The following NEK7 variants were observed in gnomAD, a reference collection of about 807,000 sequenced individuals.
NEK7 encodes serine/threonine-protein kinase Nek7.
A neutral mutation model predicts 44.6 loss-of-function variants in NEK7; 18 were observed. The ratio of observed to expected loss-of-function variants is 0.40; its 90% CI spans 0.28 to 0.60. NEK7 has a LOEUF of 0.60. Ranked by LOEUF, NEK7 falls within the 20% of genes least tolerant of loss-of-function variation. The pLI is 0.38. For missense variants in NEK7, 256 were observed against 366.5 expected, an observed-to-expected ratio of 0.70 and a Z score of 2.46; for synonymous variants, 130 against 121.1, an observed-to-expected ratio of 1.07 and a Z score of -0.48.
At chr1:198,315,680 T>G (rs138269758) in intron 9 of NEK7, among the ~76,000 whole-genome samples, 50 of 152,314 alleles carry the variant, frequency 3.3e-4, no homozygotes, top group African/African-American at 1.2e-3. Context: ...TAGGACTGGT[T>G]GCTGACGGTT....
chr1:198,285,133 G>A (rs1012971167), intron 7 of NEK7, among the ~76,000 whole-genome samples: 4 of 151,792 alleles, frequency 2.6e-5, no homozygotes, highest in South Asian at 2.1e-4. Context: ...CTGACATGCC[G>A]TGTAATTTAC....
In NEK7 at chr1:198,254,388, A is replaced by G. The variant is rs138664964; in HGVS notation, c.198+1208A>G. Among the ~76,000 whole-genome samples, 109 of 152,034 alleles carry G rather than the reference A, an allele frequency of 7.2e-4. 1 individual carries two copies. The East Asian group carries it at 0.011, about 16-fold the overall frequency. ...TTGGTATGAATTTCTAAAATAGTCT[A>G]TTGTTTACTTTTGCATTTTTTTAAA... On this transcript the variant is annotated intron_variant, in intron 3 of 9. Transcript: ENST00000367385.
At chr1:198,174,581 G>C (rs1238655903) in intron 1 of NEK7, among the ~76,000 whole-genome samples, 2 of 152,116 alleles carry the variant, frequency 1.3e-5, no homozygotes, top group Admixed American at 1.3e-4. Flanking sequence ...AATGCAGTCA[G>C]GGCCTAAGTG....
chr1:198,216,546 C>T (rs908693114), intron 1 of NEK7, among the ~76,000 whole-genome samples: 2 of 151,722 alleles, frequency 1.3e-5, no homozygotes. Context: ...ACAAACCAAA[C>T]CCAAGCTAGC....
intron 1 of NEK7, among the ~76,000 whole-genome samples, chr1:198,218,251 C>T (rs922770846): frequency 6.6e-6 from 1 of 151,782 alleles, no homozygotes; most frequent in Non-Finnish European, 1.5e-5. Context: ...AATAGAGAAC[C>T]TCTAAATAAA....
At chr1:198,192,074 T>C (rs967042208) in intron 1 of NEK7, among the ~76,000 whole-genome samples, 2 of 152,040 alleles carry the variant, frequency 1.3e-5, no homozygotes, top group African/African-American at 4.8e-5. Context: ...TCTGGCCTCC[T>C]TTTTTCATAT....
intron 9 of NEK7, among the ~76,000 whole-genome samples, chr1:198,307,264 A>G (rs1655046525): frequency 6.6e-6 from 1 of 152,164 alleles, no homozygotes. Context: ...ATCTCATATG[A>G]AGATCTTTGA....
intron 5 of NEK7, among the ~76,000 whole-genome samples, chr1:198,269,794 T>C (rs933192869): frequency 6.6e-6 from 1 of 152,098 alleles, no homozygotes; most frequent in African/African-American, 2.4e-5. Context: ...TATTCAGTAT[T>C]TCTCTAATTA....
chr1:198,197,268 A>G (rs1010262699), intron 1 of NEK7, among the ~76,000 whole-genome samples: 1 of 152,230 alleles, frequency 6.6e-6, no homozygotes, highest in Non-Finnish European at 1.5e-5. Flanking sequence ...AATAAAGAAT[A>G]GTTTTTGACT....
chr1:198,180,511 G>T (rs1205141121), intron 1 of NEK7, among the ~76,000 whole-genome samples: 2 of 152,024 alleles, frequency 1.3e-5, no homozygotes, highest in Non-Finnish European at 2.9e-5. Context: ...TGAGAAGCTT[G>T]CATTTGCTTG....
chr1:198,164,072 C>G (rs1359336885), intron 1 of NEK7, among the ~76,000 whole-genome samples: 1 of 152,060 alleles, frequency 6.6e-6, no homozygotes, highest in Admixed American at 6.5e-5. Flanking sequence ...AAAACCCCAT[C>G]TTTACTAAAA....
chr1:198,161,303 C>T (rs1664095374), intron 1 of NEK7, among the ~76,000 whole-genome samples: 1 of 152,012 alleles, frequency 6.6e-6, no homozygotes, highest in African/African-American at 2.4e-5. Context: ...CAATTTTTTT[C>T]TCTGAAGGAT....
At chr1:198,272,823 T>A (rs16842650) in intron 5 of NEK7, among the ~76,000 whole-genome samples, 30,027 of 151,680 alleles carry the variant, frequency 0.2, 3,549 homozygotes, top group African/African-American at 0.31. Context: ...TTTTTTAATA[T>A]TCTAAATAAG....
At chr1:198,274,979 T>A (rs1653970169) in intron 5 of NEK7, among the ~76,000 whole-genome samples, 1 of 151,764 alleles carries the variant, frequency 6.6e-6, no homozygotes, top group Non-Finnish European at 1.5e-5. Flanking sequence ...GAATTTCACC[T>A]AAGTGAAATG....
chr1:198,204,495 G>A (rs921802119), intron 1 of NEK7, among the ~76,000 whole-genome samples: 4 of 152,006 alleles, frequency 2.6e-5, no homozygotes, highest in African/African-American at 7.2e-5. Context: ...CGAGGCAGGC[G>A]GATCACGAGG....
intron 1 of NEK7, among the ~76,000 whole-genome samples, chr1:198,218,497 G>A (rs1327844078): frequency 2.6e-5 from 4 of 151,582 alleles, no homozygotes; most frequent in African/African-American, 9.7e-5. Context: ...AAACTCTTCT[G>A]GACATTGATC....
At chr1:198,316,481 ATAGT>A (rs1655371949) in intron 9 of NEK7, among the ~76,000 whole-genome samples, 1 of 152,226 alleles carries the variant, frequency 6.6e-6, no homozygotes, top group South Asian at 2.1e-4. Flanking sequence ...GCAACAACTC[ATAGT>A]TAAACAGATT....
chr1:198,283,995 T>C (rs996683345), intron 7 of NEK7, among the ~76,000 whole-genome samples: 1 of 152,170 alleles, frequency 6.6e-6, no homozygotes, highest in African/African-American at 2.4e-5. Context: ...TCCAGACTTG[T>C]TATCTGGCCT....
At chr1:198,300,669 A>G (rs970620275) in intron 9 of NEK7, among the ~76,000 whole-genome samples, 1 of 151,700 alleles carries the variant, frequency 6.6e-6, no homozygotes, top group Non-Finnish European at 1.5e-5. Flanking sequence ...GCTTATCTGT[A>G]TATCTCTAGG....
Sources: allele counts gnomAD v4.1 joint callset (sites outside exome capture counted in the v4.1 genomes callset), GRCh38; gene constraint gnomAD v4.1.1; transcripts MANE v1.5; gene names NCBI Gene and HGNC (gene_info 2026-07-23, HGNC 2026-07-21).